IQSEC1: variants seen among roughly 807,000 people sequenced by gnomAD.
IQSEC1 encodes the protein IQ motif and Sec7 domain ArfGEF 1.
In IQSEC1, 31 loss-of-function variants were observed where a neutral mutation model predicts 91.0. The ratio of observed to expected loss-of-function variants is 0.34; its 90% confidence interval spans 0.26 to 0.46. The LOEUF (loss-of-function observed/expected upper bound fraction) is 0.46, where lower values mean the gene tolerates loss of function less well. Among genes scored for constraint, IQSEC1 ranks in the 20% least tolerant of loss-of-function variants. The pLI is 1.00. For synonymous variants in IQSEC1, 699 were observed against 662.6 expected, an observed-to-expected ratio of 1.05 and a Z score of -0.84; for missense variants, 1,388 against 1,575.6, an observed-to-expected ratio of 0.88 and a Z score of 2.02.
chr3:13,233,320 C>T (rs1694867387), intron 1 of IQSEC1, among the ~76,000 whole-genome samples: 1 of 152,212 alleles, frequency 6.6e-6, no homozygotes, highest in Non-Finnish European at 1.5e-5. Flanking sequence ...ACATGCCACC[C>T]TCCATCCAGC....
chr3:13,238,835 T>C (rs1169703688), intron 1 of IQSEC1, among the ~76,000 whole-genome samples: 4 of 152,010 alleles, frequency 2.6e-5, no homozygotes, highest in African/African-American at 9.7e-5. Context: ...CCTCCTACAG[T>C]CCCTGGGAGG....
At chr3:13,174,318 C>T (rs866633492) in intron 1 of IQSEC1, among the ~76,000 whole-genome samples, 4 of 152,276 alleles carry the variant, frequency 2.6e-5, no homozygotes, top group Admixed American at 6.5e-5. Flanking sequence ...TGCACTGCCC[C>T]GGGAGTCCAC....
chr3:12,904,531 C>T (rs1559601475), intron 12 of IQSEC1, among the ~76,000 whole-genome samples: 1 of 152,220 alleles, frequency 6.6e-6, no homozygotes, highest in Admixed American at 6.5e-5. Context: ...TCCTGCCCAA[C>T]ACAGTGGTCC....
intron 1 of IQSEC1, among the ~76,000 whole-genome samples, chr3:12,948,894 C>T (rs1031976024): frequency 3.9e-5 from 6 of 152,200 alleles, no homozygotes; most frequent in African/African-American, 1.2e-4. Context: ...CAACTTCTTA[C>T]GGAGAGGGCA....
Position 13,277,137 on chromosome 3 carries a change from A to AAAAAAC in IQSEC1, c.272+5573_272+5574insGTTTTT, listed in dbSNP as rs60347391. Among the ~76,000 whole-genome samples, 24 of 118,386 alleles carry AAAAAAC rather than the reference A, an allele frequency of 2.0e-4. 3 individuals carry two copies. Among genetic ancestry groups the AAAAAAC allele is most frequent in the African/African-American group, 8.0e-4 (22 of 27,466 alleles). 77.7% of individuals were successfully genotyped at this position (118,386 alleles called of 152,430 possible). Reference sequence around the variant, plus strand: ...AAAAAAAAAAAAAAAAAAAAAAAAAACAGAAAACAAGACACAAAAGACCGG... The same window carrying AAAAAAC: ...AAAAAAAAAAAAAAAAAAAAAAAAAAAAAAACCAGAAAACAAGACACAAAAGACCGG... On this transcript the variant is annotated intron_variant, in intron 1 of 15. Coordinates refer to the IQSEC1 transcript ENST00000648114.
At chr3:13,017,506 G>C (rs1703191199) in intron 1 of IQSEC1, among the ~76,000 whole-genome samples, 2 of 152,196 alleles carry the variant, frequency 1.3e-5, no homozygotes, top group South Asian at 4.1e-4. Context: ...TGCTTGCCAA[G>C]AAGAGCCTCA....
At chr3:13,165,453 T>C (rs1693468737) in intron 1 of IQSEC1, among the ~76,000 whole-genome samples, 1 of 146,772 alleles carries the variant, frequency 6.8e-6, no homozygotes, top group Non-Finnish European at 1.5e-5. Flanking sequence ...TTTTGAAAGT[T>C]CTTATTTTTT....
At chr3:13,264,756 A>G (rs636714) in intron 1 of IQSEC1, among the ~76,000 whole-genome samples, 112,707 of 150,816 alleles carry the variant, frequency 0.75, 42,783 homozygotes, top group East Asian at 0.97. Context: ...GGTCAAACAC[A>G]TACAGTCTCT....
At chr3:13,087,094 T>C (rs928446797) in intron 2 of IQSEC1, among the ~76,000 whole-genome samples, 1 of 152,230 alleles carries the variant, frequency 6.6e-6, no homozygotes, top group Non-Finnish European at 1.5e-5. Context: ...TTATTTCACA[T>C]GCCACACCCT....
intron 1 of IQSEC1, among the ~76,000 whole-genome samples, chr3:13,269,334 C>T (rs1209684487): frequency 6.6e-6 from 1 of 152,230 alleles, no homozygotes; most frequent in East Asian, 1.9e-4. Flanking sequence ...CCACATCGCA[C>T]TGCAGGGATG....
rs62242709 is a variant in IQSEC1, at chr3:12,983,165, C to G, written c.24-41300G>C. Among the ~76,000 whole-genome samples, 19,920 of 152,278 alleles carry G rather than the reference C, an allele frequency of 0.13. 1,372 individuals are homozygous for G. Among genetic ancestry groups the G allele is most frequent in the Middle Eastern group, 0.15 (44 of 294 alleles). ...ATGGCCAGCATTCCGCTGGCCCCAG[C>G]TGCATAATCCAGATCTGAACTGGGT... is the stretch of plus-strand genomic sequence containing the variant. On this transcript the variant is annotated intron_variant, in intron 1 of 13. Transcript: ENST00000613206. The surrounding 1 kb of genome is among the most constrained non-coding windows in gnomAD (Gnocchi z 4.3).
At position 13,122,838 on chromosome 3, in the gene IQSEC1, A is replaced by AGG. The variant is rs565355453; in HGVS notation, c.302+41264_302+41265dup. On this transcript the variant is annotated intron_variant, in intron 2 of 15. Transcript: ENST00000648114. ...ACACACCCAGGATTCCAGACCCTCG[A>AGG]GGGGGAGGCAGCGTCCCTGTACCCT... Among the ~76,000 whole-genome samples, 167 of 152,260 alleles carry AGG rather than the reference A, an allele frequency of 1.1e-3. 1 individual carries two copies. In the Middle Eastern group the frequency reaches 0.031, roughly 28 times the overall value.
chr3:13,128,876 C>CAA (rs34011478), intron 2 of IQSEC1, among the ~76,000 whole-genome samples: 5,699 of 87,342 alleles, frequency 0.065, 495 homozygotes, highest in African/African-American at 0.22. Context: ...GACTCTGTCT[C>CAA]AAAAAAAAAA....
intron 1 of IQSEC1, among the ~76,000 whole-genome samples, chr3:13,023,672 C>T (rs1703496529): frequency 6.6e-6 from 1 of 152,224 alleles, no homozygotes; most frequent in Admixed American, 6.5e-5. Flanking sequence ...TCTCAGATTC[C>T]AGCCTGATTC....
At chr3:12,906,816 G>A (rs144689593) in intron 12 of IQSEC1, among the ~76,000 whole-genome samples, 2,144 of 152,172 alleles carry the variant, frequency 0.014, 42 homozygotes, top group African/African-American at 0.049. Flanking sequence ...CCTGAGAGGG[G>A]CTAAGGGAAG....
chr3:12,973,581 C>G (rs575552374), intron 1 of IQSEC1, among the ~76,000 whole-genome samples: 26 of 152,294 alleles, frequency 1.7e-4, no homozygotes, highest in African/African-American at 6.3e-4. Flanking sequence ...TTCATCCCAA[C>G]TACAATGGTA....
intron 1 of IQSEC1, among the ~76,000 whole-genome samples, chr3:13,027,578 A>G (rs1404311442): frequency 6.6e-6 from 1 of 152,224 alleles, no homozygotes; most frequent in Non-Finnish European, 1.5e-5. Flanking sequence ...TCAAAGTGGA[A>G]CTGGTAGAAA....
At chr3:13,123,116 G>A (rs897439001) in intron 2 of IQSEC1, among the ~76,000 whole-genome samples, 13 of 152,162 alleles carry the variant, frequency 8.5e-5, no homozygotes, top group African/African-American at 2.7e-4. Flanking sequence ...TAATACACCC[G>A]CTGAGCAAAT....
rs556162006 is a variant in IQSEC1 at position 12,995,928 on chromosome 3, C to A, written c.24-54063G>T. Among the ~76,000 whole-genome samples the A allele has an allele frequency of 1.2e-4, 18 of 152,280 alleles. No homozygotes were observed. The South Asian group carries it at 3.5e-3, about 30-fold the overall frequency. ...GTGTGGTGGCTCATGCCTGTAATCC[C>A]AGTGCTTTGGGAGGCTGAGGTGGAA... is the stretch of plus-strand genomic sequence containing the variant. On this transcript the variant is annotated intron_variant, in intron 1 of 13. Coordinates refer to ENST00000613206, the MANE Select transcript of IQSEC1 (RefSeq NM_001134382.3).
Sources: allele counts gnomAD v4.1 joint callset (sites outside exome capture counted in the v4.1 genomes callset), GRCh38; gene constraint gnomAD v4.1.1; non-coding constraint Gnocchi (gnomAD v3.1); transcripts MANE v1.5; gene names NCBI Gene and HGNC (gene_info 2026-07-23, HGNC 2026-07-21).